The following ALPK3 variants were observed in gnomAD, a reference collection of about 807,000 sequenced individuals.
The protein encoded by ALPK3 is alpha-protein kinase 3.
Under a neutral mutation model 140.0 loss-of-function variants are expected in ALPK3, and 102 were observed. That is an observed-to-expected ratio of 0.73 (90% confidence interval 0.62 to 0.86). ALPK3 has a LOEUF of 0.86. Ranked by LOEUF, ALPK3 falls within the 40% of genes least tolerant of loss-of-function variation. ALPK3 has a pLI of 0.00. For missense variants in ALPK3, 2,254 were observed against 2,208.2 expected (o/e 1.02, Z -0.42); for synonymous variants, 938 against 898.5 (o/e 1.04, Z -0.79).
chr15:84,827,617 G>C lies in ALPK3; in HGVS notation c.304+12G>C. On this transcript the variant is annotated intron_variant, in intron 3 of 13. Coordinates refer to ENST00000258888, the MANE Select transcript of ALPK3 (RefSeq NM_020778.5). ...CTGCATCGTCACAGGTAAGGATGCT[G>C]TCTGTATGCTCCATGCCAGGGCCTC... The C allele has an allele frequency of 6.2e-7, 1 of 1,613,828 alleles. No individual in the cohort carries two copies. The highest frequency in any genetic ancestry group is 8.5e-7 in the Non-Finnish European group (1 of 1,180,034).
Position 84,857,080 on chromosome 15 carries a change from C to A in ALPK3, c.2342C>A (p.Thr781Lys). The change falls in exon 6 of 14, where the codon ACA becomes AAA. Residue 781 changes from threonine to lysine, a missense_variant. Thr to Lys is a moderately conservative substitution (Grantham distance 78). Transcript: ENST00000258888. ...CLPRSEEAVV[T>K]ASRNHEQTVL... ...CCCAGATCTGAGGAGGCAGTAGTAA[C>A]AGCCTCCAGGAACCATGAGCAAACT... The A allele has an allele frequency of 1.1e-5, 18 of 1,614,206 alleles. No individual in the cohort carries two copies. The highest frequency in any genetic ancestry group is 1.4e-5 in the Non-Finnish European group (17 of 1,180,020).
At position 84,857,602 on chromosome 15, in the gene ALPK3, G is replaced by A. The variant is rs149469850; in HGVS notation, c.2864G>A (p.Gly955Asp). ...RTPGPRSCDP[G>D]LIDSLKNYLL... ...CCAGGTCCCCGGAGCTGTGACCCTGGCCTCATAGATTCCCTGAAGAACTAC... is the reference window on the plus strand; with the variant it reads ...CCAGGTCCCCGGAGCTGTGACCCTGACCTCATAGATTCCCTGAAGAACTAC... Residue 955 changes from glycine to aspartate, a missense_variant, in exon 6 of 14, where the codon GGC (glycine) becomes GAC (aspartate). Physicochemically the swap from Gly to Asp is moderately conservative, Grantham distance 94 (BLOSUM62 -1). This residue lies in a region of ALPK3 where 2,088 missense variants were observed against 2,022.9 expected (regional missense o/e 1.03). Transcript: ENST00000258888. The A allele has an allele frequency of 3.2e-6, 5 of 1,575,128 alleles. No homozygotes were observed. The highest frequency in any genetic ancestry group is 1.3e-5 in the African/African-American group (1 of 74,162).
intron 11 of ALPK3, 100 bp from the exon 12 acceptor site, chr15:84,864,342 G>A: frequency 8.0e-7 from 1 of 1,248,276 alleles, no homozygotes; most frequent in Non-Finnish European, 1.1e-6. Context: ...TACATTCTTG[G>A]AAGGGCCCTT....
intron 3 of ALPK3, among the ~76,000 whole-genome samples, chr15:84,831,158 T>G (rs530288244): frequency 6.6e-6 from 1 of 152,392 alleles, no homozygotes; most frequent in Non-Finnish European, 1.5e-5. Context: ...GAAGACAGTT[T>G]GATCCTAATT....
At chr15:84,838,638 T>TTATTATTATTACTA (rs145586317) in intron 3 of ALPK3, among the ~76,000 whole-genome samples, 1 of 139,498 alleles carries the variant, frequency 7.2e-6, no homozygotes, top group African/African-American at 2.7e-5. Context: ...ATTATTATTA[T>TTATTATTATTACTA]TGAGATGGAG....
intron 12 of ALPK3, among the ~76,000 whole-genome samples, chr15:84,865,199 G>T (rs958785980): frequency 1.3e-5 from 2 of 152,142 alleles, no homozygotes; most frequent in Admixed American, 6.5e-5. Context: ...ACAAAGGAAG[G>T]CCAGCAGGCA....
intron 5 of ALPK3, among the ~76,000 whole-genome samples, chr15:84,855,534 C>T (rs749229926): frequency 3.9e-5 from 6 of 152,126 alleles, no homozygotes; most frequent in Admixed American, 6.5e-5. Flanking sequence ...CACTGTTGTA[C>T]GCCACCATGT....
intron 5 of ALPK3, among the ~76,000 whole-genome samples, chr15:84,843,529 A>G (rs971596581): frequency 1.3e-5 from 2 of 152,176 alleles, no homozygotes; most frequent in African/African-American, 4.8e-5. Flanking sequence ...GAAGGTTTGT[A>G]CCCTAGGAGA....
rs891284 is a variant in ALPK3, at chr15:84,827,242, C to T, written c.183-242C>T. Among the ~76,000 whole-genome samples the T allele has an allele frequency of 0.011, 1,723 of 152,306 alleles. 39 individuals carry two copies. The highest frequency in any genetic ancestry group is 0.04 in the African/African-American group (1,655 of 41,560). ...AGACTGGCATGCTCAGGAGCCTGGC[C>T]CATGGTCAGTAGCTTGCCTATTGTA... is the stretch of plus-strand genomic sequence containing the variant. On this transcript the variant is annotated intron_variant, in intron 2 of 13. Transcript: ENST00000258888.
In ALPK3 at chr15:84,831,903, G is replaced by A. The variant is rs574945634; in HGVS notation, c.304+4298G>A. Among the ~76,000 whole-genome samples the A allele has an allele frequency of 2.6e-5, 4 of 152,296 alleles. No homozygotes were observed. The South Asian group carries it at 8.3e-4, about 32-fold the overall frequency. On this transcript the variant is annotated intron_variant, in intron 3 of 13. Coordinates refer to ENST00000258888, the MANE Select transcript of ALPK3 (RefSeq NM_020778.5). ...GGTTTCCTAGCGAAAGGTTTTCTGG[G>A]AGTTATGCAGATCAGAGGGTTGGGT...
chr15:84,834,534 A>T (rs950409981), intron 3 of ALPK3, among the ~76,000 whole-genome samples: 3 of 152,234 alleles, frequency 2.0e-5, no homozygotes, highest in African/African-American at 7.2e-5. Flanking sequence ...GTTGGCAATC[A>T]TTTGCACAGG....
chr15:84,839,036 T>C lies in ALPK3; in HGVS notation c.361T>C (p.Cys121Arg), dbSNP rs1963625945. 6.2e-7 allele frequency: 1 copy of C among 1,613,678 alleles called. No homozygotes were observed. The highest frequency in any genetic ancestry group is 8.5e-7 in the Non-Finnish European group (1 of 1,179,764). The change falls in exon 4 of 14, where the codon TGT becomes CGT. Residue 121 changes from cysteine to arginine, a missense_variant. By Grantham distance (180) the Cys-to-Arg change is radical. Transcript: ENST00000258888. Reference sequence around the variant, plus strand: ...GGATGATACGGAGCTGGACCGCTACTGTGGCTTGCCAAAATATGAGATCAC... The same window carrying C: ...GGATGATACGGAGCTGGACCGCTACCGTGGCTTGCCAAAATATGAGATCAC... ...YKDDTELDRY[C>R]GLPKYEITHQ...
rs984347076 is a variant in ALPK3, at chr15:84,868,570, A to G, written c.*114A>G. Reference sequence around the variant, plus strand: ...ACTGGAGAAGGTGCACGAAGGAGACACCACTTGGGGACCTCTCTGAGCAGG... The same window carrying G: ...ACTGGAGAAGGTGCACGAAGGAGACGCCACTTGGGGACCTCTCTGAGCAGG... On this transcript the variant is annotated 3_prime_UTR_variant, in exon 14 of 14. Coordinates refer to ENST00000258888, the MANE Select transcript of ALPK3 (RefSeq NM_020778.5). 9.4e-7 allele frequency: 1 copy of G among 1,061,894 alleles called. No homozygotes were observed. The highest frequency in any genetic ancestry group is 1.3e-6 in the Non-Finnish European group (1 of 757,062). The allele number at this position is 1,061,894 out of a possible 1,614,324, so 65.8% of individuals were successfully genotyped here.
At chr15:84,833,292 C>T (rs1035205890) in intron 3 of ALPK3, among the ~76,000 whole-genome samples, 2 of 152,158 alleles carry the variant, frequency 1.3e-5, no homozygotes, top group African/African-American at 4.8e-5. Flanking sequence ...TTCAGAATCT[C>T]AGCTTACCTG....
At position 84,840,248 on chromosome 15, in the gene ALPK3, C is replaced by T; in HGVS notation, c.969C>T (p.Ser323=). ...GAKKKKKDEE[S]KQGLRKPELE... ...AGAAGAAAAAGAAAGATGAGGAATC[C>T]AAGCAAGGCCTGCGGAAGCCAGAGT... Residue 323 remains serine (S), a synonymous_variant, in exon 5 of 14, where the codon TCC becomes TCT. Transcript: ENST00000258888. The T allele has an allele frequency of 1.2e-6, 2 of 1,613,748 alleles. No homozygotes were observed. The highest frequency in any genetic ancestry group is 1.7e-6 in the Non-Finnish European group (2 of 1,180,020).
rs771488348 is a variant in ALPK3 at position 84,840,983 on chromosome 15, T to G, written c.1653+51T>G. On this transcript the variant is annotated intron_variant, in intron 5 of 13. Transcript: ENST00000258888. Reference sequence around the variant, plus strand: ...AGGCCGCTCTGGGAAGCTGACCTCATGGAAACTCTTGCTGCAACTGCTGGG... The same window carrying G: ...AGGCCGCTCTGGGAAGCTGACCTCAGGGAAACTCTTGCTGCAACTGCTGGG... 1.0e-5 allele frequency: 15 copies of G among 1,501,578 alleles called. No individual in the cohort carries two copies. The Admixed American group carries it at 3.3e-4, about 33-fold the overall frequency. 93.0% of individuals were successfully genotyped at this position (1,501,578 alleles called of 1,614,324 possible).
At chr15:84,863,460 T>G in intron 10 of ALPK3, 92 bp from the exon 11 acceptor site, 1 of 1,148,156 alleles carries the variant, frequency 8.7e-7, no homozygotes, top group Non-Finnish European at 1.3e-6. Flanking sequence ...CTCAGTCCCC[T>G]AACAGAATAG....
chr15:84,820,287 A>G (rs907041844), intron 1 of ALPK3, among the ~76,000 whole-genome samples: 1 of 152,140 alleles, frequency 6.6e-6, no homozygotes, highest in African/African-American at 2.4e-5. Flanking sequence ...CAGCTTTGAA[A>G]CAAGCTCTGC....
chr15:84,855,371 A>G (rs1963848796), intron 5 of ALPK3, among the ~76,000 whole-genome samples: 1 of 152,060 alleles, frequency 6.6e-6, no homozygotes, highest in East Asian at 1.9e-4. Flanking sequence ...CAGTGTCTGC[A>G]TCTGTTGGCT....
Sources: gnomAD v4.1 joint callset for allele counts (sites outside exome capture counted in the v4.1 genomes callset) on GRCh38, gnomAD v4.1.1 for gene constraint, gnomAD v4.1.1 regional missense constraint, MANE v1.5 for transcripts, NCBI Gene and HGNC (gene_info 2026-07-23, HGNC 2026-07-21) for gene names.